Variants in SRSF3 observed in about 807,000 individuals in gnomAD.
The protein encoded by SRSF3 is serine and arginine rich splicing factor 3, also known as serine/arginine-rich splicing factor 3.
For synonymous variants in SRSF3, 87 were observed against 73.6 expected (o/e 1.18, Z -0.93); for missense variants, 58 against 217.1 (o/e 0.27, Z 4.61).
Position 36,602,866 on chromosome 6 carries a change from T to A in SRSF3, c.*877T>A, listed in dbSNP as rs973139507. The A allele has an allele frequency of 1.4e-5, 3 of 208,374 alleles. No homozygotes were observed. The Admixed American group carries it at 1.8e-4, about 12-fold the overall frequency. 12.9% of individuals were successfully genotyped at this position (208,374 alleles called of 1,614,324 possible). On this transcript the variant is annotated 3_prime_UTR_variant, in exon 6 of 6. Coordinates refer to ENST00000373715, the MANE Select transcript of SRSF3 (RefSeq NM_003017.5). The stretch of plus-strand genomic sequence containing the variant: ...GGTATAACATTCCTATTGGAAGCCA[T>A]ACTTATATTTTCTTGTAAAGTGCTT...
Position 36,603,074 on chromosome 6 carries a change from C to T in SRSF3, c.*1085C>T, listed in dbSNP as rs1463660898. 1.4e-5 allele frequency: 3 copies of T among 222,068 alleles called. No homozygotes were observed. Among genetic ancestry groups the T allele is most frequent in the Admixed American group, 5.8e-5 (1 of 17,338 alleles). The allele number at this position is 222,068 out of a possible 1,614,324, so 13.8% of individuals were successfully genotyped here. A position where few individuals can be genotyped will look rare whatever the true frequency, so the allele number is the denominator to read the frequency against. On this transcript the variant is annotated 3_prime_UTR_variant, in exon 6 of 6. Transcript: ENST00000373715. ...AGATGTCACCTAAGTGATAGTTAAC[C>T]CATTTTTTTTTTTTTTAGGCATAGA...
In SRSF3 at chr6:36,604,524, G is replaced by GT. The variant is rs147357230; in HGVS notation, c.*2536dup. ...CTGACCTCCATGTCTTAAGCAGAAA[G>GT]TAGGGAAGTTGTAGTTTTACCAAGC... On this transcript the variant is annotated 3_prime_UTR_variant, in exon 6 of 6. Coordinates refer to ENST00000373715, the MANE Select transcript of SRSF3 (RefSeq NM_003017.5). 2.0e-3 allele frequency: 348 copies of GT among 177,844 alleles called. 1 individual carries two copies. Among genetic ancestry groups the GT allele is most frequent in the African/African-American group, 7.7e-3 (327 of 42,360 alleles). The allele number at this position is 177,844 out of a possible 1,614,324, so 11.0% of individuals were successfully genotyped here. A position where few individuals can be genotyped will look rare whatever the true frequency, so the allele number is the denominator to read the frequency against.
Position 36,603,904 on chromosome 6 carries a change from AC to A in SRSF3, c.*1916del, listed in dbSNP as rs375819998. ...AAGGGTTTCTGTAAAAAGGACAGTTACGGGTATAATATGGCTAAGAGAAATA... is the reference window on the plus strand; with the variant it reads ...AAGGGTTTCTGTAAAAAGGACAGTTAGGGTATAATATGGCTAAGAGAAATA... On this transcript the variant is annotated 3_prime_UTR_variant, in exon 6 of 6. Coordinates refer to ENST00000373715, the MANE Select transcript of SRSF3 (RefSeq NM_003017.5). 4.5e-4 allele frequency: 104 copies of A among 229,786 alleles called. No individual in the cohort carries two copies. Among genetic ancestry groups the A allele is most frequent in the African/African-American group, 2.1e-3 (97 of 45,176 alleles). The allele number at this position is 229,786 out of a possible 1,614,324, so 14.2% of individuals were successfully genotyped here.
chr6:36,596,484 G>T (rs774276994), intron 1 of SRSF3, among the ~76,000 whole-genome samples: 10 of 145,146 alleles, frequency 6.9e-5, no homozygotes, highest in Admixed American at 2.9e-4. Flanking sequence ...TGCTCCTCCA[G>T]TTGTTCTCAA....
chr6:36,594,394 A>T lies in SRSF3; in HGVS notation c.-90A>T, dbSNP rs1323108472. On this transcript the variant is annotated 5_prime_UTR_variant, in exon 1 of 6. Transcript: ENST00000373715. ...TTCGTGGACGCCGGGTGAGTGAGAG[A>T]GTTGGTTGGTGTTGGGCCGGAGGAA... 6.6e-6 allele frequency: 1 copy of T among 152,542 alleles called. No homozygotes were observed. The highest frequency in any genetic ancestry group is 1.5e-5 in the Non-Finnish European group (1 of 68,142). 9.4% of individuals were successfully genotyped at this position (152,542 alleles called of 1,614,324 possible). A position where few individuals can be genotyped will look rare whatever the true frequency, so the allele number is the denominator to read the frequency against.
chr6:36,597,612 C>G (rs371200249), intron 2 of SRSF3, among the ~76,000 whole-genome samples: 3 of 152,200 alleles, frequency 2.0e-5, no homozygotes, highest in East Asian at 1.9e-4. Context: ...CCCCCACCCC[C>G]CTTTCCTCAT....
intron 1 of SRSF3, 115 bp from the exon 2 acceptor site, chr6:36,596,640 TTTTTTC>T (rs1778634842): frequency 2.3e-6 from 2 of 856,284 alleles, no homozygotes; most frequent in Non-Finnish European, 3.6e-6. Context: ...TTTGTAATTT[TTTTTTC>T]TTTACGTGCT....
At chr6:36,597,097 CTTTTTTTTTTTT>C (rs35760494) in intron 2 of SRSF3, 129 bp downstream of exon 2, 2 of 363,058 alleles carry the variant, frequency 5.5e-6, no homozygotes, top group Admixed American at 9.6e-5. Context: ...CAATTGGGAT[CTTTTTTTTTTTT>C]TTTTTTTTTG....
chr6:36,595,507 C>T (rs923416287), intron 1 of SRSF3, among the ~76,000 whole-genome samples: 2 of 152,172 alleles, frequency 1.3e-5, no homozygotes, highest in Non-Finnish European at 2.9e-5. Flanking sequence ...ATTCCCTGTC[C>T]CCCTTCCTCT....
intron 4 of SRSF3, 134 bp downstream of exon 4, chr6:36,601,324 GCTTT>G (rs1421802324): frequency 4.7e-6 from 4 of 845,342 alleles, no homozygotes; most frequent in African/African-American, 1.7e-5. Flanking sequence ...GGATGAGTCA[GCTTT>G]CTTTGAGTTT....
rs762020960 is a variant in SRSF3 at position 36,601,798 on chromosome 6, A to T, written c.467+4A>T. ...GATCCTTCTCTAGGTCTCGTAGGTA[A>T]GATCTTTGATAACTTGTATTTAAGA... On this transcript the variant is annotated splice_donor_region_variant and intron_variant, in intron 5 of 5. Coordinates refer to ENST00000373715, the MANE Select transcript of SRSF3 (RefSeq NM_003017.5). The T allele has an allele frequency of 1.9e-5, 30 of 1,607,284 alleles. No individual in the cohort carries two copies. The highest frequency in any genetic ancestry group is 2.3e-5 in the Non-Finnish European group (27 of 1,174,580).
At chr6:36,601,677 C>A in intron 4 of SRSF3, 31 bp from the exon 5 acceptor site, 1 of 1,542,684 alleles carries the variant, frequency 6.5e-7, no homozygotes, top group Non-Finnish European at 8.9e-7. Context: ...TATCATACCT[C>A]ATTGGTCCTA....
At chr6:36,595,921 A>AT (rs1421846019) in intron 1 of SRSF3, among the ~76,000 whole-genome samples, 1 of 147,750 alleles carries the variant, frequency 6.8e-6, no homozygotes, top group Non-Finnish European at 1.5e-5. Context: ...TTATTTATTT[A>AT]TTTATTTGTG....
In SRSF3 at chr6:36,603,593, C is replaced by T. The variant is rs1426501568; in HGVS notation, c.*1604C>T. The T allele has an allele frequency of 3.9e-5, 9 of 228,744 alleles. No homozygotes were observed. The East Asian group carries it at 5.7e-4, about 14-fold the overall frequency. 14.2% of individuals were successfully genotyped at this position (228,744 alleles called of 1,614,324 possible). ...AAATTATTTATTTCCACCTTTTACACAAATCTTGGGAGAATTGGTGTCAGG... is the reference window on the plus strand; with the variant it reads ...AAATTATTTATTTCCACCTTTTACATAAATCTTGGGAGAATTGGTGTCAGG... On this transcript the variant is annotated 3_prime_UTR_variant, in exon 6 of 6. Coordinates refer to ENST00000373715, the MANE Select transcript of SRSF3 (RefSeq NM_003017.5).
In SRSF3 at chr6:36,603,410, G is replaced by A; in HGVS notation, c.*1421G>A. ...GTAATTTCAAATTTTTGTGCAATTAGATTAAATCATAATGCAACAGTCTTG... is the reference window on the plus strand; with the variant it reads ...GTAATTTCAAATTTTTGTGCAATTAAATTAAATCATAATGCAACAGTCTTG... On this transcript the variant is annotated 3_prime_UTR_variant, in exon 6 of 6. Transcript: ENST00000373715. 4.5e-6 allele frequency: 1 copy of A among 223,652 alleles called. No homozygotes were observed. Among genetic ancestry groups the A allele is most frequent in the Non-Finnish European group, 8.9e-6 (1 of 111,838 alleles). 13.9% of individuals were successfully genotyped at this position (223,652 alleles called of 1,614,324 possible).
intron 2 of SRSF3, chr6:36,597,179 C>T: frequency 3.5e-6 from 2 of 572,280 alleles, no homozygotes; most frequent in South Asian, 4.3e-5. Context: ...GTCTCCCGCT[C>T]CCCGCAACCT....
At chr6:36,595,930 T>TG (rs200733108) in intron 1 of SRSF3, among the ~76,000 whole-genome samples, 19 of 141,478 alleles carry the variant, frequency 1.3e-4, no homozygotes, top group African/African-American at 4.6e-4. Context: ...TATTTATTTG[T>TG]GGTTTTTTTT....
At chr6:36,595,869 A>G (rs1213468808) in intron 1 of SRSF3, among the ~76,000 whole-genome samples, 4 of 152,204 alleles carry the variant, frequency 2.6e-5, no homozygotes, top group African/African-American at 9.6e-5. Context: ...GACATTTGAT[A>G]CTAGCCTTGT....
At chr6:36,596,701 T>A in intron 1 of SRSF3, 60 bp from the exon 2 acceptor site, 5 of 1,458,124 alleles carry the variant, frequency 3.4e-6, no homozygotes, top group South Asian at 2.3e-5. Flanking sequence ...TTTCTAAGGA[T>A]CTGTGGTTTT....
Sources: allele counts gnomAD v4.1 joint callset (sites outside exome capture counted in the v4.1 genomes callset), GRCh38; gene constraint gnomAD v4.1.1; transcripts MANE v1.5; gene names NCBI Gene and HGNC (gene_info 2026-07-23, HGNC 2026-07-21).